Variants in GALNT13 observed in about 807,000 individuals in gnomAD.
The protein encoded by GALNT13 is UDP-GalNAc:polypeptide N-acetylgalactosaminyltransferase 13.
A neutral mutation model predicts 64.2 loss-of-function variants in GALNT13; 28 were observed. The observed-to-expected ratio is 0.44, with a 90% CI of 0.32 to 0.60. The LOEUF is 0.60. GALNT13 is among the 20% of genes least tolerant of loss of function. GALNT13 has a pLI of 0.05. For synonymous variants in GALNT13, 214 were observed against 224.6 expected (o/e 0.95, Z 0.42); for missense variants, 577 against 669.8 (o/e 0.86, Z 1.53).
chr2:154,415,882 T>C (rs936306914), intron 11 of GALNT13, among the ~76,000 whole-genome samples: 3 of 152,164 alleles, frequency 2.0e-5, no homozygotes, highest in Admixed American at 1.3e-4. Flanking sequence ...TTTTAGTAGC[T>C]TGCACAGTGG....
chr2:153,633,185 T>C, the GALNT13 span, among the ~76,000 whole-genome samples: 1 of 152,302 alleles, frequency 6.6e-6, no homozygotes, highest in East Asian at 1.9e-4. Flanking sequence ...TTCAAGGAAA[T>C]GGCTAAGCAT....
intron 4 of GALNT13, among the ~76,000 whole-genome samples, chr2:154,157,894 G>C (rs1684514406): frequency 6.6e-6 from 1 of 152,120 alleles, no homozygotes; most frequent in Non-Finnish European, 1.5e-5. Flanking sequence ...TGGCTTTTAA[G>C]TCACTACACT....
At chr2:153,630,899 G>A in the GALNT13 span, among the ~76,000 whole-genome samples, 12 of 145,730 alleles carry the variant, frequency 8.2e-5, no homozygotes, top group African/African-American at 3.1e-4. Context: ...CCATGCTGGT[G>A]TGCTGCACCC....
the GALNT13 span, among the ~76,000 whole-genome samples, chr2:153,196,479 G>C: frequency 1.3e-5 from 2 of 152,122 alleles, no homozygotes; most frequent in Non-Finnish European, 2.9e-5. Context: ...TGTGAGCAGG[G>C]AGAGGCCAGG....
chr2:153,547,906 G>A, the GALNT13 span, among the ~76,000 whole-genome samples: 10 of 152,172 alleles, frequency 6.6e-5, no homozygotes, highest in Admixed American at 2.0e-4. Flanking sequence ...ATATCCATAA[G>A]TGGGGCAAAA....
chr2:153,328,285 G>T, the GALNT13 span, among the ~76,000 whole-genome samples: 1 of 152,182 alleles, frequency 6.6e-6, no homozygotes, highest in African/African-American at 2.4e-5. Flanking sequence ...GGGGGTCAGG[G>T]ACCCACCTGA....
At position 154,175,795 on chromosome 2, in the gene GALNT13, C is replaced by CA. The variant is rs1685615105; in HGVS notation, c.311+35292dup. 3.3e-5 allele frequency among the ~76,000 whole-genome samples: 5 copies of CA among 152,140 alleles called. No individual in the cohort carries two copies. The South Asian group carries it at 1.0e-3, about 32-fold the overall frequency. On this transcript the variant is annotated intron_variant, in intron 4 of 12. Coordinates refer to ENST00000392825, the MANE Select transcript of GALNT13 (RefSeq NM_052917.4). ...AACTATCATAATTTCAAAATAGTAA[C>CA]AAGCATACATGATAATCCCAGACAC...
the GALNT13 span, among the ~76,000 whole-genome samples, chr2:153,566,348 G>GTTTTTTTGTTTTTTTTT: frequency 2.7e-5 from 2 of 74,804 alleles, no homozygotes; most frequent in African/African-American, 1.3e-4. Context: ...TTCTAATCAC[G>GTTTTTTTGTTTTTTTTT]TTTTTTTTTT....
the GALNT13 span, among the ~76,000 whole-genome samples, chr2:153,837,012 G>A: frequency 3.3e-5 from 5 of 151,310 alleles, no homozygotes; most frequent in African/African-American, 1.2e-4. Context: ...TAGTCCTTTG[G>A]GTATATACCC....
At chr2:153,967,582 C>T (rs1343328764) in intron 3 of GALNT13, among the ~76,000 whole-genome samples, 2 of 152,088 alleles carry the variant, frequency 1.3e-5, no homozygotes, top group Non-Finnish European at 1.5e-5. Context: ...TGTCTTTTCC[C>T]CAGGCAAAAG....
the GALNT13 span, among the ~76,000 whole-genome samples, chr2:153,430,287 G>A: frequency 2.0e-5 from 3 of 151,688 alleles, no homozygotes; most frequent in African/African-American, 7.3e-5. Flanking sequence ...TTTCTGTGGG[G>A]GAAACAAAAA....
At position 154,450,405 on chromosome 2, in the gene GALNT13, T is replaced by C; in HGVS notation, c.1531-6T>C. On this transcript the variant is annotated splice_region_variant and splice_polypyrimidine_tract_variant and intron_variant, in intron 12 of 12. Transcript: ENST00000392825. ...AGCTGCACTGATTATTGGTTATCTT[T>C]TACAGAGACTCACGTTGCGACATGT... The C allele has an allele frequency of 6.2e-7, 1 of 1,606,826 alleles. No homozygotes were observed. The highest frequency in any genetic ancestry group is 8.5e-7 in the Non-Finnish European group (1 of 1,177,006).
the GALNT13 span, among the ~76,000 whole-genome samples, chr2:153,664,449 C>A: frequency 6.6e-6 from 1 of 152,068 alleles, no homozygotes; most frequent in South Asian, 2.1e-4. Context: ...TTAGGATGCC[C>A]AGATTTCATA....
chr2:153,944,181 A>G (rs1691545710), intron 2 of GALNT13, among the ~76,000 whole-genome samples: 1 of 152,206 alleles, frequency 6.6e-6, no homozygotes, highest in African/African-American at 2.4e-5. Flanking sequence ...AGGGCCTGGC[A>G]GAGTAGTGGC....
the GALNT13 span, among the ~76,000 whole-genome samples, chr2:153,472,618 A>G: frequency 8.5e-5 from 13 of 152,232 alleles, no homozygotes; most frequent in African/African-American, 3.1e-4. Context: ...GCAGGGCAGG[A>G]TTTCTTCCAG....
At chr2:153,443,950 CT>C in the GALNT13 span, among the ~76,000 whole-genome samples, 12 of 152,044 alleles carry the variant, frequency 7.9e-5, no homozygotes, top group Non-Finnish European at 1.8e-4. Context: ...TCATAAGGGC[CT>C]TCCCATTCTC....
At chr2:153,236,526 C>A in the GALNT13 span, among the ~76,000 whole-genome samples, 1 of 152,004 alleles carries the variant, frequency 6.6e-6, no homozygotes, top group African/African-American at 2.4e-5. Context: ...AATCCGAGGA[C>A]CCTTAAGAAT....
the GALNT13 span, among the ~76,000 whole-genome samples, chr2:153,216,741 C>A: frequency 6.6e-6 from 1 of 151,922 alleles, no homozygotes; most frequent in African/African-American, 2.4e-5. Context: ...TTTTCCAAGT[C>A]TCTGGCTTAT....
chr2:153,814,877 G>A, the GALNT13 span, among the ~76,000 whole-genome samples: 4 of 152,140 alleles, frequency 2.6e-5, no homozygotes, highest in African/African-American at 7.2e-5. Flanking sequence ...AGTGTTGGAG[G>A]TAGAAAATTC....
Sources: gnomAD v4.1 joint callset for allele counts (sites outside exome capture counted in the v4.1 genomes callset) on GRCh38, gnomAD v4.1.1 for gene constraint, MANE v1.5 for transcripts, NCBI Gene and HGNC (gene_info 2026-07-23, HGNC 2026-07-21) for gene names.